Variants in PCDH7 observed in about 807,000 individuals in gnomAD.
PCDH7 encodes protocadherin 7.
A neutral mutation model predicts 58.9 loss-of-function variants in PCDH7; 17 were observed. The observed-to-expected ratio is 0.29, with a 90% confidence interval of 0.20 to 0.43. PCDH7 has a LOEUF of 0.43. PCDH7 is among the 20% of genes least tolerant of loss of function. The pLI is 1.00. For missense variants in PCDH7, 1,274 were observed against 1,441.0 expected (o/e 0.88, Z 1.88); for synonymous variants, 664 against 616.4 (o/e 1.08, Z -1.14).
chr4:30,883,005 A>G (rs1181728706), intron 1 of PCDH7, among the ~76,000 whole-genome samples: 6 of 152,176 alleles, frequency 3.9e-5, no homozygotes, highest in African/African-American at 7.2e-5. Context: ...AGTGTGATAC[A>G]TATTTTGCCT....
At chr4:31,085,022 T>A (rs991362408) in intron 3 of PCDH7, among the ~76,000 whole-genome samples, 2 of 152,000 alleles carry the variant, frequency 1.3e-5, no homozygotes, top group East Asian at 3.9e-4. Flanking sequence ...AGAATTCCAA[T>A]AGAGAGAGTA....
At chr4:30,737,390 C>G (rs542977828), downstream of PCDH7, among the ~76,000 whole-genome samples, 147 of 152,264 alleles carry the variant, frequency 9.7e-4, no homozygotes, top group African/African-American at 3.4e-3. Flanking sequence ...CAGTGGCTCA[C>G]ACCTGTAATG....
chr4:30,890,866 A>G (rs1176012001), intron 1 of PCDH7, among the ~76,000 whole-genome samples: 1 of 152,162 alleles, frequency 6.6e-6, no homozygotes, highest in Non-Finnish European at 1.5e-5. Flanking sequence ...AACTAATATT[A>G]CTAAGATAGG....
At chr4:30,730,868 T>C in exon 2 of PCDH7, 1 of 1,497,920 alleles carries the variant, frequency 6.7e-7, no homozygotes, top group Non-Finnish European at 8.9e-7. Context: ...AGCCTGCCCT[T>C]GGCCGTGGGG....
intron 3 of PCDH7, among the ~76,000 whole-genome samples, chr4:31,062,169 A>T (rs1429826149): frequency 6.6e-6 from 1 of 151,686 alleles, no homozygotes; most frequent in African/African-American, 2.4e-5. Context: ...ACCAAAAGCC[A>T]TTGGCAGTAT....
intron 1 of PCDH7, among the ~76,000 whole-genome samples, chr4:30,897,195 C>T (rs1244121840): frequency 2.0e-5 from 3 of 152,024 alleles, no homozygotes; most frequent in Non-Finnish European, 2.9e-5. Context: ...TGAGCCACCG[C>T]GCCCGGCCTC....
At chr4:31,066,531 C>T (rs1758109406) in intron 3 of PCDH7, among the ~76,000 whole-genome samples, 1 of 151,896 alleles carries the variant, frequency 6.6e-6, no homozygotes, top group African/African-American at 2.4e-5. Context: ...TAGCCAACCT[C>T]ACTGACCAAA....
chr4:30,786,455 A>G (rs1723412351), intron 1 of PCDH7, among the ~76,000 whole-genome samples: 1 of 152,092 alleles, frequency 6.6e-6, no homozygotes, highest in African/African-American at 2.4e-5. Context: ...CACTAAATGC[A>G]GTGTTTCTTA....
chr4:31,030,341 T>C (rs1263885792), intron 3 of PCDH7, among the ~76,000 whole-genome samples: 1 of 152,198 alleles, frequency 6.6e-6, no homozygotes, highest in Admixed American at 6.5e-5. Context: ...TCACAAATAA[T>C]GGAGAAAGAC....
At chr4:30,956,618 G>C (rs1173377440) in intron 3 of PCDH7, among the ~76,000 whole-genome samples, 2 of 152,140 alleles carry the variant, frequency 1.3e-5, no homozygotes, top group African/African-American at 4.8e-5. Flanking sequence ...AACTTAATAA[G>C]ATATAGAACA....
chr4:31,008,501 G>T (rs1752951112), intron 3 of PCDH7, among the ~76,000 whole-genome samples: 1 of 152,014 alleles, frequency 6.6e-6, no homozygotes, highest in Admixed American at 6.6e-5. Flanking sequence ...TGTTAAGTTA[G>T]ATTTTCTGGG....
chr4:30,860,413 A>G (rs1258450233), intron 1 of PCDH7, among the ~76,000 whole-genome samples: 1 of 116,732 alleles, frequency 8.6e-6, no homozygotes, highest in African/African-American at 3.2e-5. Flanking sequence ...ATGAATAATT[A>G]AGTCTTTTTT....
intron 1 of PCDH7, among the ~76,000 whole-genome samples, chr4:30,909,127 A>T (rs1741386078): frequency 6.6e-6 from 1 of 152,192 alleles, no homozygotes; most frequent in South Asian, 2.1e-4. Flanking sequence ...ATAAAATTCA[A>T]CACCCCTTCA....
chr4:30,889,716 A>G (rs900490645), intron 1 of PCDH7, among the ~76,000 whole-genome samples: 20 of 152,112 alleles, frequency 1.3e-4, no homozygotes, highest in Admixed American at 1.2e-3. Flanking sequence ...CATATGGTGT[A>G]AGGAGCAAGG....
intron 3 of PCDH7, among the ~76,000 whole-genome samples, chr4:31,130,888 T>C (rs1032274013): frequency 6.6e-6 from 1 of 152,144 alleles, no homozygotes; most frequent in Non-Finnish European, 1.5e-5. Flanking sequence ...AATCTCCCTA[T>C]GTTAAGGTTA....
At chr4:31,029,274 A>G (rs1754702326) in intron 3 of PCDH7, among the ~76,000 whole-genome samples, 1 of 152,192 alleles carries the variant, frequency 6.6e-6, no homozygotes, top group Non-Finnish European at 1.5e-5. Context: ...TTCTGTGCCT[A>G]TTTCACCTAA....
In PCDH7 at chr4:30,835,984, C is replaced by T. The variant is rs149003865; in HGVS notation, c.71-84169C>T. On this transcript the variant is annotated intron_variant, in intron 1 of 3. Coordinates refer to the PCDH7 transcript ENST00000509759. ...ATTATTTTAATCCCTACTTTACTACCTTACCTTAGATAATTCATATCTGGT... is the reference window on the plus strand; with the variant it reads ...ATTATTTTAATCCCTACTTTACTACTTTACCTTAGATAATTCATATCTGGT... Among the ~76,000 whole-genome samples the T allele has an allele frequency of 9.2e-3, 1,406 of 152,256 alleles. 22 individuals are homozygous for T. Among genetic ancestry groups the T allele is most frequent in the African/African-American group, 0.031 (1,296 of 41,540 alleles).
intron 3 of PCDH7, among the ~76,000 whole-genome samples, chr4:31,101,972 T>G (rs1714950761): frequency 6.6e-6 from 1 of 152,210 alleles, no homozygotes; most frequent in African/African-American, 2.4e-5. Flanking sequence ...AAATTTCACT[T>G]GGCTCTGACC....
chr4:31,010,880 G>C (rs1348547497), intron 3 of PCDH7, among the ~76,000 whole-genome samples: 1 of 151,914 alleles, frequency 6.6e-6, no homozygotes, highest in African/African-American at 2.4e-5. Context: ...AAAAAGATGA[G>C]CATGATAATT....
Sources: allele counts gnomAD v4.1 joint callset (sites outside exome capture counted in the v4.1 genomes callset), GRCh38; gene constraint gnomAD v4.1.1; transcripts MANE v1.5; gene names NCBI Gene and HGNC (gene_info 2026-07-23, HGNC 2026-07-21).